Variants in GABRG3 observed in about 807,000 individuals in gnomAD.
GABRG3 encodes the protein gamma-aminobutyric acid receptor subunit gamma-3.
A neutral mutation model predicts 48.8 loss-of-function variants in GABRG3; 25 were observed. The observed-to-expected ratio is 0.51, with a 90% CI of 0.37 to 0.72. GABRG3 has a LOEUF of 0.72. Ranked by LOEUF, GABRG3 falls within the 30% of genes least tolerant of loss-of-function variation. GABRG3 has a pLI of 0.00. For synonymous variants in GABRG3, 227 were observed against 217.6 expected (o/e 1.04, Z -0.38); for missense variants, 394 against 577.9 (o/e 0.68, Z 3.26).
intron 3 of GABRG3, among the ~76,000 whole-genome samples, chr15:27,108,506 A>G (rs1016400953): frequency 3.9e-5 from 6 of 152,198 alleles, no homozygotes; most frequent in African/African-American, 1.4e-4. Flanking sequence ...TGCATGGTCT[A>G]TGCTGCTCAA....
chr15:27,122,117 T>C (rs1054207771), intron 3 of GABRG3, among the ~76,000 whole-genome samples: 3 of 152,226 alleles, frequency 2.0e-5, no homozygotes, highest in Admixed American at 2.0e-4. Flanking sequence ...TTGGATTGTT[T>C]GTAACACAGA....
At chr15:27,154,666 A>G (rs961966749) in intron 3 of GABRG3, among the ~76,000 whole-genome samples, 1 of 152,182 alleles carries the variant, frequency 6.6e-6, no homozygotes, top group African/African-American at 2.4e-5. Context: ...TCAGCCAGGA[A>G]TCCTTGGAAT....
intron 3 of GABRG3, among the ~76,000 whole-genome samples, chr15:27,206,521 A>G (rs567746973): frequency 2.0e-5 from 3 of 152,162 alleles, no homozygotes; most frequent in Non-Finnish European, 4.4e-5. Flanking sequence ...AGAAGACTGT[A>G]TATTTTGTTA....
At chr15:27,529,902 AAAAG>A (rs1160464817) in intron 9 of GABRG3, among the ~76,000 whole-genome samples, 4 of 151,884 alleles carry the variant, frequency 2.6e-5, no homozygotes, top group Non-Finnish European at 5.9e-5. Context: ...AAAAAAAAAA[AAAAG>A]AGAAAGTGGG....
At position 27,121,513 on chromosome 15, in the gene GABRG3, G is replaced by A. The variant is rs1566940590; in HGVS notation, c.270+94692G>A. 5.9e-5 allele frequency among the ~76,000 whole-genome samples: 9 copies of A among 152,224 alleles called. No individual in the cohort carries two copies. In the South Asian group the frequency reaches 1.9e-3, roughly 31 times the overall value. ...TAACTACATAGTGACTCTGGGTTGT[G>A]CAGCTAATGTGACTAACAGTGACTG... On this transcript the variant is annotated intron_variant, in intron 3 of 9. Coordinates refer to ENST00000615808, the MANE Select transcript of GABRG3 (RefSeq NM_033223.5).
chr15:27,404,358 C>G (rs544184343), intron 5 of GABRG3, among the ~76,000 whole-genome samples: 3 of 152,330 alleles, frequency 2.0e-5, no homozygotes, highest in African/African-American at 7.2e-5. Context: ...AAGTTCCTCA[C>G]TGGTAGCTGT....
At chr15:27,423,525 A>G (rs1047931846) in intron 5 of GABRG3, among the ~76,000 whole-genome samples, 1 of 144,358 alleles carries the variant, frequency 6.9e-6, no homozygotes, top group Non-Finnish European at 1.5e-5. Flanking sequence ...TTACTTCTCC[A>G]TTTTCTTGTT....
intron 3 of GABRG3, among the ~76,000 whole-genome samples, chr15:27,148,194 C>A (rs1349959672): frequency 1.3e-5 from 2 of 151,536 alleles, no homozygotes; most frequent in East Asian, 1.9e-4. Context: ...AGATTATAAT[C>A]TATAATATTT....
intron 3 of GABRG3, among the ~76,000 whole-genome samples, chr15:27,100,217 C>CA (rs36148252): frequency 1.8e-3 from 238 of 130,864 alleles, no homozygotes; most frequent in East Asian, 5.8e-3. Flanking sequence ...GACCCTGTCT[C>CA]AAAAAAAAAA....
At chr15:27,042,187 C>T (rs1896287975) in intron 3 of GABRG3, among the ~76,000 whole-genome samples, 2 of 152,220 alleles carry the variant, frequency 1.3e-5, no homozygotes, top group African/African-American at 4.8e-5. Context: ...CCCCTCTCAG[C>T]AGCATTTGTC....
chr15:27,490,849 A>G (rs4402509), intron 6 of GABRG3, among the ~76,000 whole-genome samples: 151,218 of 151,974 alleles, frequency 1, 75,231 homozygotes, highest in East Asian at 1. Flanking sequence ...AGGAGCATGG[A>G]AATTGTGTGG....
chr15:27,244,108 G>A (rs777534228), intron 3 of GABRG3, among the ~76,000 whole-genome samples: 3 of 152,164 alleles, frequency 2.0e-5, no homozygotes, highest in Admixed American at 6.5e-5. Flanking sequence ...AGGTAAGGTT[G>A]AAAATATAGC....
At chr15:27,342,102 C>T (rs943749583) in intron 5 of GABRG3, among the ~76,000 whole-genome samples, 5 of 152,184 alleles carry the variant, frequency 3.3e-5, no homozygotes, top group African/African-American at 9.7e-5. Flanking sequence ...GCCACGTCAT[C>T]GCAGTCCCAA....
chr15:26,974,550 A>G lies in GABRG3; in HGVS notation c.54-2452A>G, dbSNP rs763401912. Among the ~76,000 whole-genome samples the G allele has an allele frequency of 4.0e-5, 6 of 151,252 alleles. No individual in the cohort carries two copies. The highest frequency in any genetic ancestry group is 7.4e-5 in the Non-Finnish European group (5 of 67,838). The stretch of plus-strand genomic sequence containing the variant: ...GGGGAGGGGAAGAAGAGTGAGGCAG[A>G]CCCCCTCACAGTGCCCAAGACAGAG... On this transcript the variant is annotated intron_variant, in intron 1 of 9. Transcript: ENST00000615808. The surrounding 1 kb of genome is among the most constrained non-coding windows in gnomAD (Gnocchi z 4.3).
At chr15:27,389,264 G>C (rs1896148455) in intron 5 of GABRG3, among the ~76,000 whole-genome samples, 1 of 152,212 alleles carries the variant, frequency 6.6e-6, no homozygotes, top group African/African-American at 2.4e-5. Flanking sequence ...TATGAGATTA[G>C]CAGAAAATAA....
intron 5 of GABRG3, among the ~76,000 whole-genome samples, chr15:27,406,450 T>C (rs1162910075): frequency 6.6e-6 from 1 of 152,188 alleles, no homozygotes; most frequent in East Asian, 1.9e-4. Context: ...CCCTCACCAG[T>C]GATGAGCCAT....
At chr15:27,476,860 G>A (rs113129394) in intron 5 of GABRG3, among the ~76,000 whole-genome samples, 20 of 152,278 alleles carry the variant, frequency 1.3e-4, no homozygotes, top group African/African-American at 3.9e-4. Flanking sequence ...ATTGACATCT[G>A]TACACATTAT....
rs143659596 is a variant in GABRG3 at position 27,140,581 on chromosome 15, GT to G, written c.270+113767del. Among the ~76,000 whole-genome samples, 1,508 of 151,638 alleles carry G rather than the reference GT, an allele frequency of 9.9e-3. 25 individuals carry two copies. Among genetic ancestry groups the G allele is most frequent in the African/African-American group, 0.035 (1,443 of 41,352 alleles). On this transcript the variant is annotated intron_variant, in intron 3 of 9. Transcript: ENST00000615808. ...AATATTCTGTTTATTAGTCCTTTAG[GT>G]TTTTTTAAATTTTATTTTACCTTCT...
At chr15:27,307,062 TGTATA>T (rs1194167833) in intron 3 of GABRG3, among the ~76,000 whole-genome samples, 12 of 117,964 alleles carry the variant, frequency 1.0e-4, no homozygotes, top group African/African-American at 2.9e-4. Context: ...TATATAAACA[TGTATA>T]ATATAAACAT....
Sources: allele counts gnomAD v4.1 joint callset (sites outside exome capture counted in the v4.1 genomes callset), GRCh38; gene constraint gnomAD v4.1.1; non-coding constraint Gnocchi (gnomAD v3.1); transcripts MANE v1.5; gene names NCBI Gene and HGNC (gene_info 2026-07-23, HGNC 2026-07-21).